Variants in TMPRSS15 observed in about 807,000 individuals in gnomAD.
The protein encoded by TMPRSS15 is enteropeptidase.
Under a neutral mutation model 125.3 loss-of-function variants are expected in TMPRSS15, and 128 were observed. The ratio of observed to expected loss-of-function variants is 1.02; its 90% CI spans 0.89 to 1.18. The LOEUF is 1.18. Ranked by LOEUF, TMPRSS15 falls within the 50% of genes most tolerant of loss-of-function variation. The probability of loss-of-function intolerance (pLI) is 0.00; values close to 1 mark genes in which losing one functional copy is unlikely to be tolerated. For synonymous variants in TMPRSS15, 446 were observed against 423.2 expected, an observed-to-expected ratio of 1.05 and a Z score of -0.66; for missense variants, 1,283 against 1,212.7, an observed-to-expected ratio of 1.06 and a Z score of -0.86.
rs1001856784 is a variant in TMPRSS15 at position 18,304,931 on chromosome 21, A to G, written c.2166-7102T>C. On this transcript the variant is annotated intron_variant, in intron 18 of 24. Transcript: ENST00000284885. ...AAGTCTCACTTGGGTGACAAAATACATATTAAAAAGTGTAAGCCGAAGTAG... is the reference window on the plus strand; with the variant it reads ...AAGTCTCACTTGGGTGACAAAATACGTATTAAAAAGTGTAAGCCGAAGTAG... 2.6e-5 allele frequency among the ~76,000 whole-genome samples: 4 copies of G among 152,142 alleles called. No individual in the cohort carries two copies. The South Asian group carries it at 6.2e-4, about 24-fold the overall frequency.
At chr21:18,431,546 T>C (rs1481383681) in intron 1 of TMPRSS15, among the ~76,000 whole-genome samples, 1 of 152,176 alleles carries the variant, frequency 6.6e-6, no homozygotes, top group Non-Finnish European at 1.5e-5. Flanking sequence ...ATAGCTTGTA[T>C]GGCAATTTAA....
In TMPRSS15 at chr21:18,343,492, A is replaced by T; in HGVS notation, c.1428+14T>A. 1 of 1,579,636 alleles carries T rather than the reference A, an allele frequency of 6.3e-7. No individual in the cohort carries two copies. Among genetic ancestry groups the T allele is most frequent in the Non-Finnish European group, 8.7e-7 (1 of 1,150,118 alleles). On this transcript the variant is annotated intron_variant, in intron 12 of 24. Coordinates refer to ENST00000284885, the MANE Select transcript of TMPRSS15 (RefSeq NM_002772.3). The stretch of plus-strand genomic sequence containing the variant: ...AAAAGGATACAAATATAAATAATAA[A>T]GTATTTTGCAAACCTTAAATTTAAC...
chr21:18,301,429 C>T (rs2074971729), intron 18 of TMPRSS15, among the ~76,000 whole-genome samples: 1 of 152,130 alleles, frequency 6.6e-6, no homozygotes, highest in African/African-American at 2.4e-5. Flanking sequence ...GAAAAGATTA[C>T]CCTATGTGAA....
chr21:18,376,017 A>T (rs2075838067), intron 5 of TMPRSS15, among the ~76,000 whole-genome samples: 1 of 152,178 alleles, frequency 6.6e-6, no homozygotes, highest in Non-Finnish European at 1.5e-5. Context: ...GGATAATAGT[A>T]CTTGGTGGCC....
chr21:18,440,446 A>G (rs1006707234), intron 1 of TMPRSS15, among the ~76,000 whole-genome samples: 3 of 151,496 alleles, frequency 2.0e-5, no homozygotes, highest in African/African-American at 4.8e-5. Flanking sequence ...CTATGTAACA[A>G]GAAATAAGAA....
At position 18,343,601 on chromosome 21, in the gene TMPRSS15, G is replaced by T; in HGVS notation, c.1333C>A (p.Gln445Lys). The change falls in exon 12 of 25, where the codon CAA (glutamine) becomes AAA (lysine). Residue 445 changes from glutamine to lysine, a missense_variant. Physicochemically the swap from Gln to Lys is moderately conservative, Grantham distance 53. Transcript: ENST00000284885. ...HKLSINISND[Q>K]NMEKTVFQKE... is the part of the protein sequence containing the mutation. ...TGGAAAACTGTCTTCTCCATATTTT[G>T]GTCATTGCTGATATTAATGCTTAAT... 6.2e-7 allele frequency: 1 copy of T among 1,612,914 alleles called. No homozygotes were observed. Among genetic ancestry groups the T allele is most frequent in the Non-Finnish European group, 8.5e-7 (1 of 1,179,180 alleles).
At chr21:18,362,144 G>A (rs930364084) in intron 7 of TMPRSS15, among the ~76,000 whole-genome samples, 2 of 152,122 alleles carry the variant, frequency 1.3e-5, no homozygotes, top group Non-Finnish European at 2.9e-5. Context: ...TCCCAGAGTA[G>A]ACAGAGAAGG....
chr21:18,368,814 A>G (rs2147040172), intron 6 of TMPRSS15, among the ~76,000 whole-genome samples: 1 of 152,326 alleles, frequency 6.6e-6, no homozygotes, highest in Middle Eastern at 3.4e-3. Context: ...TGTATTTAAA[A>G]TAAAATTACA....
In TMPRSS15 at chr21:18,329,224, A is replaced by G; in HGVS notation, c.1725T>C (p.Asn575=). The part of the protein sequence containing the change: ...QLHFQEFDLE[N]INDVVEIRDG... Reference sequence around the variant, plus strand: ...CTCTTATTTCAACTACATCGTTAATATTTTCTAAGTCAAATTCTTGAAAAT... The same window carrying G: ...CTCTTATTTCAACTACATCGTTAATGTTTTCTAAGTCAAATTCTTGAAAAT... Residue 575 remains asparagine, a synonymous_variant, in exon 15 of 25, where the codon AAT becomes AAC. Coordinates refer to ENST00000284885, the MANE Select transcript of TMPRSS15 (RefSeq NM_002772.3). The G allele has an allele frequency of 3.1e-6, 5 of 1,612,782 alleles. No individual in the cohort carries two copies. Among genetic ancestry groups the G allele is most frequent in the Non-Finnish European group, 4.2e-6 (5 of 1,179,152 alleles).
At chr21:18,368,745 G>C (rs2075763265) in intron 6 of TMPRSS15, among the ~76,000 whole-genome samples, 1 of 152,146 alleles carries the variant, frequency 6.6e-6, no homozygotes, top group Non-Finnish European at 1.5e-5. Flanking sequence ...GTCAAATTCT[G>C]CTCTAACGAG....
At chr21:18,346,287 A>T (rs2075508040) in intron 10 of TMPRSS15, among the ~76,000 whole-genome samples, 1 of 152,290 alleles carries the variant, frequency 6.6e-6, no homozygotes, top group Admixed American at 6.5e-5. Context: ...CTAAGGGATC[A>T]CTTGATCTCT....
At chr21:18,336,168 G>T (rs1176539364) in intron 13 of TMPRSS15, among the ~76,000 whole-genome samples, 1 of 152,100 alleles carries the variant, frequency 6.6e-6, no homozygotes, top group African/African-American at 2.4e-5. Context: ...TTACTGAGGG[G>T]TGGAAAAGAG....
At chr21:18,400,424 T>C (rs528291973) in intron 1 of TMPRSS15, among the ~76,000 whole-genome samples, 82 of 152,062 alleles carry the variant, frequency 5.4e-4, no homozygotes, top group Middle Eastern at 6.8e-3. Flanking sequence ...AAAGTAAAGC[T>C]ACACATCTAC....
chr21:18,458,740 C>A (rs562946847), intron 1 of TMPRSS15, among the ~76,000 whole-genome samples: 1 of 152,262 alleles, frequency 6.6e-6, no homozygotes, highest in South Asian at 2.1e-4. Context: ...AGAAGAGAAT[C>A]TCAACCCTAA....
At chr21:18,484,409 T>C (rs1232162372) in intron 1 of TMPRSS15, among the ~76,000 whole-genome samples, 1 of 151,856 alleles carries the variant, frequency 6.6e-6, no homozygotes. Context: ...ATTTGTTTAG[T>C]AGCATAATTG....
chr21:18,396,544 G>A (rs1878406965), intron 3 of TMPRSS15, among the ~76,000 whole-genome samples: 1 of 152,052 alleles, frequency 6.6e-6, no homozygotes, highest in Non-Finnish European at 1.5e-5. Flanking sequence ...GGAGGCCGAG[G>A]TGGGCGGATC....
At chr21:18,277,170 G>C (rs1466519893) in intron 23 of TMPRSS15, among the ~76,000 whole-genome samples, 3 of 152,096 alleles carry the variant, frequency 2.0e-5, no homozygotes, top group African/African-American at 7.2e-5. Flanking sequence ...ACATGATCTA[G>C]CTGTTTATTC....
intron 3 of TMPRSS15, among the ~76,000 whole-genome samples, chr21:18,386,545 AAGAT>A (rs2075945586): frequency 6.6e-6 from 1 of 152,128 alleles, no homozygotes; most frequent in African/African-American, 2.4e-5. Flanking sequence ...ATACTTCCAA[AAGAT>A]AGAGCACTGC....
At chr21:18,299,260 AG>A (rs1466249635) in intron 18 of TMPRSS15, among the ~76,000 whole-genome samples, 1 of 152,204 alleles carries the variant, frequency 6.6e-6, no homozygotes, top group East Asian at 1.9e-4. Flanking sequence ...AAGATGTCAA[AG>A]GGTAGCTGAG....
Sources: allele counts gnomAD v4.1 joint callset (sites outside exome capture counted in the v4.1 genomes callset), GRCh38; gene constraint gnomAD v4.1.1; transcripts MANE v1.5; gene names NCBI Gene and HGNC (gene_info 2026-07-23, HGNC 2026-07-21).